The following PLCD1 variants were observed in gnomAD, a reference collection of about 807,000 sequenced individuals.
PLCD1 encodes the protein 1-phosphatidylinositol 4,5-bisphosphate phosphodiesterase delta-1.
A neutral mutation model predicts 87.4 loss-of-function variants in PLCD1; 71 were observed. The ratio of observed to expected loss-of-function variants is 0.81; its 90% confidence interval spans 0.67 to 0.99. The LOEUF is 0.99. PLCD1 is among the 50% of genes least tolerant of loss of function. The pLI, the probability that PLCD1 is intolerant of heterozygous loss-of-function variation, is 0.00. For synonymous variants in PLCD1, 348 were observed against 399.2 expected (o/e 0.87, Z 1.53); for missense variants, 867 against 1,001.5 (o/e 0.87, Z 1.81).
At chr3:38,011,061 C>G (rs116627871) in intron 5 of PLCD1, among the ~76,000 whole-genome samples, 153 bp downstream of exon 5, 52 of 152,354 alleles carry the variant, frequency 3.4e-4, no homozygotes, top group African/African-American at 1.2e-3. Context: ...TGCCGGCTTT[C>G]ATAGGACCAG....
In PLCD1 at chr3:38,009,285, C is replaced by A; in HGVS notation, c.1593G>T (p.Leu531=). The A allele has an allele frequency of 6.2e-7, 1 of 1,614,154 alleles. No individual in the cohort carries two copies. Among genetic ancestry groups the A allele is most frequent in the African/African-American group, 1.3e-5 (1 of 75,042 alleles). Residue 531 remains leucine (L), a synonymous_variant, in exon 10 of 15, where the codon CTG becomes CTT. Transcript: ENST00000334661. Reference sequence around the variant, plus strand: ...GCCAGGCCTCACCTGATTCTTGGAGCAGTCGAAGGGCACGGTTCTCAGAGA... The same window carrying A: ...GCCAGGCCTCACCTGATTCTTGGAGAAGTCGAAGGGCACGGTTCTCAGAGA... ...ASFSENRALR[L]LQESGNGFVR...
At chr3:38,024,165 C>A (rs1700273707) in intron 1 of PLCD1, 1 of 629,900 alleles carries the variant, frequency 1.6e-6, no homozygotes, top group Non-Finnish European at 2.8e-6. Flanking sequence ...CCCCGACGTG[C>A]TACCACTGCA....
intron 2 of PLCD1, among the ~76,000 whole-genome samples, chr3:38,019,380 C>T (rs1472025035): frequency 6.6e-6 from 1 of 152,166 alleles, no homozygotes; most frequent in African/African-American, 2.4e-5. Context: ...CAATCAATAG[C>T]CACAAGTGGC....
Position 38,009,370 on chromosome 3 carries a change from TG to T in PLCD1, c.1507del (p.His503ThrfsTer45), listed in dbSNP as rs1191180599. The T allele has an allele frequency of 1.9e-6, 3 of 1,614,114 alleles. No individual in the cohort carries two copies. The African/African-American group carries it at 4.0e-5, about 22-fold the overall frequency. ...SDMVIYCKSV[H>X]FGGFSSPGTP... ...GCCAGGACTGGAGAAGCCCCCAAAG[TG>T]GACACTCTTGCAGTAAATGACCATG... On this transcript the variant is annotated frameshift_variant, in exon 10 of 15. Coordinates refer to ENST00000334661, the MANE Select transcript of PLCD1 (RefSeq NM_006225.4). LOFTEE classifies it high-confidence loss of function.
chr3:38,007,808 C>CTGAT lies in PLCD1; in HGVS notation c.2232_2235dup (p.Ala746IlefsTer56), dbSNP rs1699985718. ...AGGGAGATCTTCACAAAGAGGGTGGCTGATGGATGCTGGTCCCCGTTCTTA... is the reference window on the plus strand; with the variant it reads ...AGGGAGATCTTCACAAAGAGGGTGGCTGATTGATGGATGCTGGTCCCCGTTCTTA... On this transcript the variant is annotated frameshift_variant, in exon 15 of 15. Transcript: ENST00000334661. LOFTEE classifies it high-confidence loss of function. The CTGAT allele has an allele frequency of 2.5e-6, 4 of 1,614,076 alleles. No homozygotes were observed. The highest frequency in any genetic ancestry group is 8.5e-7 in the Non-Finnish European group (1 of 1,180,016).
At position 38,007,918 on chromosome 3, in the gene PLCD1, G is replaced by T. The variant is rs1000019380; in HGVS notation, c.2186-60C>A. 196 of 1,604,572 alleles carry T rather than the reference G, an allele frequency of 1.2e-4. 2 individuals carry two copies. Among genetic ancestry groups the T allele is most frequent in the South Asian group, 8.6e-4 (78 of 90,892 alleles). ...GAGTTCTGGTCATTCGGCGGCGGAG[G>T]GGGGGTGGATGCGTCAAGGGACAGC... On this transcript the variant is annotated intron_variant, in intron 14 of 14. Transcript: ENST00000334661.
intron 1 of PLCD1, chr3:38,024,300 T>C (rs763321233): frequency 1.4e-5 from 22 of 1,582,088 alleles, no homozygotes; most frequent in African/African-American, 2.7e-5. Context: ...TGCCTTCCCA[T>C]TCCCCCGCAG....
At position 38,009,129 on chromosome 3, in the gene PLCD1, G is replaced by A. The variant is rs754164543; in HGVS notation, c.1636C>T (p.His546Tyr). The A allele has an allele frequency of 2.5e-6, 4 of 1,614,166 alleles. No individual in the cohort carries two copies. The East Asian group carries it at 6.7e-5, about 27-fold the overall frequency. Reference protein sequence around the residue: ...GNGFVRHNVGHLSRIYPAGWR... With the variant: ...GNGFVRHNVGYLSRIYPAGWR... The stretch of plus-strand genomic sequence containing the variant: ...CCAGCCGGGTAGATTCTGCTCAGGT[G>A]CCCCACGTTGTGGCGGACAAAGCCG... Residue 546 changes from histidine to tyrosine, a missense_variant, in exon 11 of 15, where the codon CAC (histidine) becomes TAC (tyrosine). Transcript: ENST00000334661.
In PLCD1 at chr3:38,009,918, G is replaced by A; in HGVS notation, c.1273C>T (p.Leu425=). ...NRPLDGVTNS[L]PSPEQLKGKI... ...CCACCACACACCTCAGGGGAGGGCA[G>A]GCTGTTGGTGACCCCATCCAGTGGT... Residue 425 remains leucine, a synonymous_variant, in exon 8 of 15, where the codon CTG becomes TTG. Transcript: ENST00000334661. The A allele has an allele frequency of 6.2e-7, 1 of 1,609,246 alleles. No homozygotes were observed. Among genetic ancestry groups the A allele is most frequent in the South Asian group, 1.1e-5 (1 of 90,458 alleles).
chr3:38,007,518 A>G lies in PLCD1; in HGVS notation c.*255T>C, dbSNP rs1022882502. The G allele has an allele frequency of 6.1e-6, 4 of 655,544 alleles. No individual in the cohort carries two copies. Among genetic ancestry groups the G allele is most frequent in the Middle Eastern group, 3.9e-4 (1 of 2,552 alleles). 40.6% of individuals were successfully genotyped at this position (655,544 alleles called of 1,614,324 possible). A position where few individuals can be genotyped will look rare whatever the true frequency, so the allele number is the denominator to read the frequency against. ...GGCTTAATCTTATCGTGATTTTTAT[A>G]AAAATCCTTGACCACTCGCTGGCCG... is the stretch of plus-strand genomic sequence containing the variant. On this transcript the variant is annotated 3_prime_UTR_variant, in exon 15 of 15. Transcript: ENST00000334661.
At position 38,008,463 on chromosome 3, in the gene PLCD1, T is replaced by C. The variant is rs776947264; in HGVS notation, c.1897A>G (p.Ile633Val). The change falls in exon 12 of 15, where the codon ATC (isoleucine) becomes GTC (valine). Residue 633 changes from isoleucine (I) to valine (V), a missense_variant. Physicochemically the swap from Ile to Val is conservative, Grantham distance 29. Transcript: ENST00000334661. ...CCCTCCTAGGTCCAGCGTACCCTGA[T>C]GTTGAGCCGCTTCCGTGCCCACCAG... ...GPWWARKRLN[I>V]RVISGQQLPK... 2.2e-5 allele frequency: 35 copies of C among 1,614,156 alleles called. 1 individual carries two copies. In the South Asian group the frequency reaches 3.8e-4, roughly 18 times the overall value.
At position 38,018,768 on chromosome 3, in the gene PLCD1, G is replaced by A. The variant is rs1245988619; in HGVS notation, c.199+1420C>T. 6.6e-6 allele frequency among the ~76,000 whole-genome samples: 1 copy of A among 152,218 alleles called. No individual in the cohort carries two copies. The highest frequency in any genetic ancestry group is 2.4e-5 in the African/African-American group (1 of 41,458). ...GGGCAAGAGCCCCATGAAGGAGCCT[G>A]TCTGGCGCCACAGAGAAAAGGTCAG... On this transcript the variant is annotated intron_variant, in intron 2 of 14. Coordinates refer to ENST00000334661, the MANE Select transcript of PLCD1 (RefSeq NM_006225.4). The surrounding 1 kb of genome is among the most constrained non-coding windows in gnomAD (Gnocchi z 5.7).
intron 1 of PLCD1, among the ~76,000 whole-genome samples, chr3:38,022,284 T>C (rs1021124768): frequency 6.6e-6 from 1 of 152,204 alleles, no homozygotes; most frequent in Non-Finnish European, 1.5e-5. Flanking sequence ...TCCCAACTAC[T>C]GGCTGTGTCT....
chr3:38,021,557 C>T (rs958198741), intron 1 of PLCD1, among the ~76,000 whole-genome samples: 3 of 152,176 alleles, frequency 2.0e-5, no homozygotes, highest in Non-Finnish European at 4.4e-5. Flanking sequence ...AAAAGTGACC[C>T]CAACCCTTAG....
At chr3:38,026,517 CATAAATAAATAAACAA>C (rs1559379195) in intron 1 of PLCD1, among the ~76,000 whole-genome samples, 2 of 152,150 alleles carry the variant, frequency 1.3e-5, no homozygotes, top group Admixed American at 1.3e-4. Flanking sequence ...GATTCTGTCT[CATAAATAAATAAACAA>C]ATAAATAAAT....
Position 38,011,586 on chromosome 3 carries a change from G to A in PLCD1, c.516C>T (p.Leu172=), listed in dbSNP as rs758474875. The A allele has an allele frequency of 6.2e-7, 1 of 1,614,080 alleles. No individual in the cohort carries two copies. The highest frequency in any genetic ancestry group is 1.3e-5 in the African/African-American group (1 of 74,952). ...FKELQNFLKE[L]NIQVDDSYAR... ...CATAGCTGTCGTCCACCTGGATGTT[G>A]AGCTCCTTCAGGAAGTTCTGCAGCT... The change falls in exon 4 of 15, where the codon CTC becomes CTT. Residue 172 remains leucine (L), a synonymous_variant. Transcript: ENST00000334661.
Position 38,007,714 on chromosome 3 carries a change from C to T in PLCD1, c.*59G>A. 2 of 1,295,986 alleles carry T rather than the reference C, an allele frequency of 1.5e-6. No individual in the cohort carries two copies. The highest frequency in any genetic ancestry group is 2.2e-6 in the Non-Finnish European group (2 of 892,328). 80.3% of individuals were successfully genotyped at this position (1,295,986 alleles called of 1,614,324 possible). A position where few individuals can be genotyped will look rare whatever the true frequency, so the allele number is the denominator to read the frequency against. On this transcript the variant is annotated 3_prime_UTR_variant, in exon 15 of 15. Coordinates refer to ENST00000334661, the MANE Select transcript of PLCD1 (RefSeq NM_006225.4). ...TGGGAGCAGCCACACCAGCCCTGTC[C>T]CCACATGTGGACAGAGGGCCCAGCC...
rs779329326 is a variant in PLCD1 at position 38,007,747 on chromosome 3, G to T, written c.*26C>A. ...TGGACAGAGGGCCCAGCCCACTCAG[G>T]GGGGACCCCACTGGCTTCCTCCAGC... is the stretch of plus-strand genomic sequence containing the variant. On this transcript the variant is annotated 3_prime_UTR_variant, in exon 15 of 15. Transcript: ENST00000334661. 3 of 1,571,818 alleles carry T rather than the reference G, an allele frequency of 1.9e-6. No individual in the cohort carries two copies. Among genetic ancestry groups the T allele is most frequent in the East Asian group, 2.2e-5 (1 of 44,676 alleles).
chr3:38,016,173 TG>T lies in PLCD1; in HGVS notation c.428+317del, dbSNP rs201748029. ...GGTCATGAGGGTGGGGCACCCGCGC[TG>T]GGATTAGTGCCCTTACAAGAAGAGA... is the stretch of plus-strand genomic sequence containing the variant. On this transcript the variant is annotated intron_variant, in intron 3 of 14. Transcript: ENST00000334661. Among the ~76,000 whole-genome samples the T allele has an allele frequency of 6.5e-4, 99 of 152,220 alleles. 1 individual carries two copies. In the East Asian group the frequency reaches 0.019, roughly 28 times the overall value.
Sources: allele counts gnomAD v4.1 joint callset (sites outside exome capture counted in the v4.1 genomes callset), GRCh38; gene constraint gnomAD v4.1.1; non-coding constraint Gnocchi (gnomAD v3.1); transcripts MANE v1.5; gene names NCBI Gene and HGNC (gene_info 2026-07-23, HGNC 2026-07-21).